The following TMEM232 variants were observed in gnomAD, a reference collection of about 807,000 sequenced individuals.
TMEM232 encodes transmembrane protein 232.
Under a neutral mutation model 78.8 loss-of-function variants are expected in TMEM232, and 80 were observed. The observed-to-expected ratio is 1.01, with a 90% CI of 0.85 to 1.22. The LOEUF is 1.22. Ranked by LOEUF, TMEM232 falls within the 50% of genes most tolerant of loss-of-function variation. The probability of loss-of-function intolerance (pLI) is 0.00; values close to 1 mark genes in which losing one functional copy is unlikely to be tolerated. For synonymous variants in TMEM232, 297 were observed against 254.3 expected (o/e 1.17, Z -1.60); for missense variants, 881 against 742.2 (o/e 1.19, Z -2.17).
chr5:110,481,876 G>A (rs1763903406), intron 12 of TMEM232, among the ~76,000 whole-genome samples: 2 of 152,224 alleles, frequency 1.3e-5, no homozygotes, highest in South Asian at 4.2e-4. Context: ...CTGGGATTCT[G>A]GTGAAAGCTA....
chr5:110,698,390 C>G (rs572272443), intron 1 of TMEM232, among the ~76,000 whole-genome samples: 1 of 151,858 alleles, frequency 6.6e-6, no homozygotes, highest in East Asian at 1.9e-4. Context: ...ATATATGTAA[C>G]GAACCTGCAC....
intron 3 of TMEM232, among the ~76,000 whole-genome samples, chr5:110,391,326 T>TGTGTGTGTGAGAGAGAGAGAGA (rs549361387): frequency 2.1e-5 from 3 of 139,812 alleles, no homozygotes; most frequent in African/African-American, 5.9e-5. Flanking sequence ...TGTGTGTGTG[T>TGTGTGTGTGAGAGAGAGAGAGA]GAGAGAGAGA....
At chr5:110,690,905 A>G (rs967673424) in intron 1 of TMEM232, among the ~76,000 whole-genome samples, 3 of 152,122 alleles carry the variant, frequency 2.0e-5, no homozygotes, top group Non-Finnish European at 4.4e-5. Context: ...GTTCTCACTC[A>G]TAAGTGGGAG....
chr5:110,723,893 T>A (rs1797897244), intron 1 of TMEM232, among the ~76,000 whole-genome samples: 1 of 152,082 alleles, frequency 6.6e-6, no homozygotes, highest in African/African-American at 2.4e-5. Context: ...ATGATAGACA[T>A]AAGAATGGTG....
intron 12 of TMEM232, among the ~76,000 whole-genome samples, chr5:110,465,557 T>A (rs551627510): frequency 3.4e-4 from 52 of 152,334 alleles, no homozygotes; most frequent in Non-Finnish European, 6.2e-4. Context: ...TCATTGCCTA[T>A]TTAGACTCAA....
chr5:110,648,674 A>AAAAC (rs570383204), intron 2 of TMEM232, among the ~76,000 whole-genome samples: 108 of 152,138 alleles, frequency 7.1e-4, no homozygotes, highest in African/African-American at 2.0e-3. Context: ...CGCTTATGGT[A>AAAAC]AAACAAACAA....
At chr5:110,585,103 C>T (rs1778655545) in intron 10 of TMEM232, among the ~76,000 whole-genome samples, 1 of 152,038 alleles carries the variant, frequency 6.6e-6, no homozygotes, top group South Asian at 2.1e-4. Flanking sequence ...CCATAAGATT[C>T]CCAGCTCCTT....
At chr5:110,572,975 C>T (rs1013693341) in intron 10 of TMEM232, among the ~76,000 whole-genome samples, 20 of 152,142 alleles carry the variant, frequency 1.3e-4, no homozygotes, top group African/African-American at 4.6e-4. Flanking sequence ...TTCTGCTTTG[C>T]GTGACCCTGT....
At chr5:110,464,144 T>G (rs1761829542) in intron 12 of TMEM232, among the ~76,000 whole-genome samples, 1 of 152,222 alleles carries the variant, frequency 6.6e-6, no homozygotes, top group African/African-American at 2.4e-5. Flanking sequence ...ACACATTTGT[T>G]GTCCCCATTC....
At chr5:110,675,167 C>T (rs556982659) in intron 1 of TMEM232, among the ~76,000 whole-genome samples, 1 of 152,232 alleles carries the variant, frequency 6.6e-6, no homozygotes, top group Non-Finnish European at 1.5e-5. Flanking sequence ...GCCTCAGCCT[C>T]CTGGGTAGCT....
chr5:110,679,183 C>A (rs114748037), intron 1 of TMEM232, among the ~76,000 whole-genome samples: 1,782 of 152,172 alleles, frequency 0.012, 45 homozygotes, highest in African/African-American at 0.04. Flanking sequence ...TGTCCTTGCC[C>A]GGACGTGGTG....
chr5:110,609,317 A>G (rs1017913465), intron 8 of TMEM232, among the ~76,000 whole-genome samples: 1 of 152,098 alleles, frequency 6.6e-6, no homozygotes, highest in Non-Finnish European at 1.5e-5. Context: ...GCTGAAAGCA[A>G]TAAGGAGCAC....
intron 11 of TMEM232, among the ~76,000 whole-genome samples, chr5:110,531,650 A>G (rs1290248190): frequency 6.6e-6 from 1 of 152,084 alleles, no homozygotes; most frequent in Admixed American, 6.5e-5. Flanking sequence ...GCCCTCCCCC[A>G]CCTGCCCAGC....
chr5:110,504,277 G>A (rs887138647), intron 12 of TMEM232, among the ~76,000 whole-genome samples: 7 of 152,062 alleles, frequency 4.6e-5, no homozygotes, highest in African/African-American at 1.7e-4. Flanking sequence ...AAATATAGAG[G>A]ACATATTTTA....
At chr5:110,414,546 G>T (rs1402843794), downstream of TMEM232, among the ~76,000 whole-genome samples, 2 of 152,144 alleles carry the variant, frequency 1.3e-5, no homozygotes, top group African/African-American at 4.8e-5. Flanking sequence ...GTTTCTAGAG[G>T]TTTAGAAAAC....
At chr5:110,605,948 T>C (rs1196804437) in intron 9 of TMEM232, among the ~76,000 whole-genome samples, 4 of 152,074 alleles carry the variant, frequency 2.6e-5, no homozygotes, top group Non-Finnish European at 1.5e-5. Flanking sequence ...TAAATGAACT[T>C]ACCCCAACCA....
chr5:110,629,449 T>C (rs1784836645), intron 5 of TMEM232, among the ~76,000 whole-genome samples: 1 of 152,140 alleles, frequency 6.6e-6, no homozygotes, highest in Non-Finnish European at 1.5e-5. Context: ...TATTGACAAA[T>C]CTACCTTTCC....
chr5:110,501,686 T>C (rs1204074493), intron 12 of TMEM232, among the ~76,000 whole-genome samples: 2 of 152,174 alleles, frequency 1.3e-5, no homozygotes, highest in Non-Finnish European at 2.9e-5. Context: ...TTCACATTTA[T>C]TCTGTTGGGT....
intron 12 of TMEM232, among the ~76,000 whole-genome samples, chr5:110,439,511 G>A (rs1758797529): frequency 6.6e-6 from 1 of 151,878 alleles, no homozygotes; most frequent in Admixed American, 6.6e-5. Flanking sequence ...AGGCTCCAGG[G>A]TCCTTGGGCT....
Sources: allele counts gnomAD v4.1 joint callset (sites outside exome capture counted in the v4.1 genomes callset), GRCh38; gene constraint gnomAD v4.1.1; transcripts MANE v1.5; gene names NCBI Gene and HGNC (gene_info 2026-07-23, HGNC 2026-07-21).